The following PKD1 variants were observed in gnomAD, a reference collection of about 807,000 sequenced individuals.
The protein encoded by PKD1 is polycystin 1, transient receptor potential channel interacting, also known as polycystin-1.
Under a neutral mutation model 361.7 loss-of-function variants are expected in PKD1, and 81 were observed. That is an observed-to-expected ratio of 0.22 (90% CI 0.19 to 0.27). The LOEUF is 0.27. Ranked by LOEUF, PKD1 falls within the 10% of genes least tolerant of loss-of-function variation. The pLI, the probability that PKD1 is intolerant of heterozygous loss-of-function variation, is 1.00. For missense variants in PKD1, 6,399 were observed against 6,118.3 expected, an observed-to-expected ratio of 1.05 and a Z score of -1.53; for synonymous variants, 3,615 against 2,818.3, an observed-to-expected ratio of 1.28 and a Z score of -8.95.
chr16:2,106,986 T>C lies in PKD1; in HGVS notation c.7066-38A>G, dbSNP rs375695129. 6.4e-7 allele frequency: 1 copy of C among 1,572,638 alleles called. No individual in the cohort carries two copies. The highest frequency in any genetic ancestry group is 8.6e-7 in the Non-Finnish European group (1 of 1,160,382). ...TGGGGTTACCTCCAACACAGGTCTA[T>C]TTGGCCTGCTGGAAGGACTGGGGGA... On this transcript the variant is annotated intron_variant, in intron 16 of 45. Transcript: ENST00000262304. This position sits in a 1 kb window ranked among gnomAD's most constrained non-coding sequence, Gnocchi z 6.5.
chr16:2,124,706 C>G (rs2092771663), intron 1 of PKD1, among the ~76,000 whole-genome samples: 1 of 152,232 alleles, frequency 6.6e-6, no homozygotes, highest in African/African-American at 2.4e-5. Flanking sequence ...AAAGAAACAT[C>G]TGCACATTCC....
chr16:2,134,854 C>T (rs2092931633), intron 1 of PKD1, among the ~76,000 whole-genome samples: 1 of 150,832 alleles, frequency 6.6e-6, no homozygotes, highest in African/African-American at 2.5e-5. Flanking sequence ...CCCCCTCACC[C>T]CTGTTCTCAG....
chr16:2,129,831 G>A (rs991888436), intron 1 of PKD1, among the ~76,000 whole-genome samples: 3 of 151,742 alleles, frequency 2.0e-5, no homozygotes, highest in African/African-American at 7.3e-5. Context: ...GATTCCAGGC[G>A]TGAGTGACCC....
rs1555442497 is a variant in PKD1, at chr16:2,088,881, G to GTGCACACA, written c.*845_*846insTGTGTGCA. The GTGCACACA allele has an allele frequency of 1.2e-5, 5 of 421,378 alleles. No homozygotes were observed. The highest frequency in any genetic ancestry group is 8.0e-5 in the Admixed American group (2 of 25,012). The allele number at this position is 421,378 out of a possible 1,614,324, so 26.1% of individuals were successfully genotyped here. On this transcript the variant is annotated 3_prime_UTR_variant, in exon 46 of 46. Coordinates refer to ENST00000262304, the MANE Select transcript of PKD1 (RefSeq NM_001009944.3). ...ACAGCACACTCGCGCGTGCGCGCGC[G>GTGCACACA]CACACACACACACACACAGTCACCT...
At chr16:2,115,164 AGAG>A (rs2092609638) in intron 10 of PKD1, 1 of 768,318 alleles carries the variant, frequency 1.3e-6, no homozygotes, top group Non-Finnish European at 1.6e-6. Context: ...GGAGAGAGGA[AGAG>A]GAGGCACAGC....
chr16:2,135,068 T>A (rs2092934702), intron 1 of PKD1: 1 of 970,854 alleles, frequency 1.0e-6, no homozygotes, highest in African/African-American at 1.8e-5. Flanking sequence ...TTCTTGCACA[T>A]CCATCAAATC....
rs2092607566 is a variant in PKD1, at chr16:2,115,072, G to A, written c.2098-147C>T. On this transcript the variant is annotated intron_variant, in intron 10 of 45. Coordinates refer to ENST00000262304, the MANE Select transcript of PKD1 (RefSeq NM_001009944.3). ...CCCCACAGTGCTCGTGACAAGGACA[G>A]GCAGGACAGTTGCAGACCGGGGGAC... The A allele has an allele frequency of 7.4e-6, 11 of 1,490,468 alleles. No homozygotes were observed. The South Asian group carries it at 9.4e-5, about 13-fold the overall frequency. The allele number at this position is 1,490,468 out of a possible 1,614,324, so 92.3% of individuals were successfully genotyped here.
At position 2,104,490 on chromosome 16, in the gene PKD1, C is replaced by G; in HGVS notation, c.8161+8G>C. The G allele has an allele frequency of 6.6e-7, 1 of 1,512,420 alleles. No homozygotes were observed. The highest frequency in any genetic ancestry group is 8.9e-7 in the Non-Finnish European group (1 of 1,120,068). The allele number at this position is 1,512,420 out of a possible 1,614,324, so 93.7% of individuals were successfully genotyped here. On this transcript the variant is annotated splice_region_variant and intron_variant, in intron 22 of 45. Coordinates refer to ENST00000262304, the MANE Select transcript of PKD1 (RefSeq NM_001009944.3). Reference sequence around the variant, plus strand: ...CGGGCGGGTGGCATGGGGCACGGGCCGCGGCACCTGTGATGTTGAGGATGC... The same window carrying G: ...CGGGCGGGTGGCATGGGGCACGGGCGGCGGCACCTGTGATGTTGAGGATGC...
Position 2,116,079 on chromosome 16 carries a change from A to C in PKD1, c.1762T>G (p.Phe588Val). 1 of 1,531,938 alleles carries C rather than the reference A, an allele frequency of 6.5e-7. No individual in the cohort carries two copies. The highest frequency in any genetic ancestry group is 8.9e-7 in the Non-Finnish European group (1 of 1,127,052). 94.9% of individuals were successfully genotyped at this position (1,531,938 alleles called of 1,614,324 possible). Residue 588 changes from phenylalanine (F) to valine (V), a missense_variant, in exon 9 of 46, where the codon TTC (phenylalanine) becomes GTC (valine). Phe to Val is a conservative substitution (Grantham distance 50). Transcript: ENST00000262304. ...GTCCCAAATTCGGCCGTGGTGAGGA[A>C]GGCTTCACGGCTCAGACGCAGGCCC... ...FPGLRLSREA[F>V]LTTAEFGTQE...
At position 2,097,474 on chromosome 16, in the gene PKD1, G is replaced by A. The variant is rs377052445; in HGVS notation, c.10250C>T (p.Thr3417Met). ...SLVCWPSGEG[T>M]LSWPDLLSDP... The stretch of plus-strand genomic sequence containing the variant: ...ACTGAGCAGGTCCGGCCAACTGAGC[G>A]TTCCCTCGCCGGAGGGCCAGCACAC... Residue 3417 changes from threonine to methionine, a missense_variant, in exon 33 of 46, where the codon ACG becomes ATG. By Grantham distance (81) the Thr-to-Met change is moderately conservative. Transcript: ENST00000262304. The A allele has an allele frequency of 1.1e-4, 179 of 1,602,898 alleles. No homozygotes were observed. The highest frequency in any genetic ancestry group is 1.4e-4 in the Non-Finnish European group (167 of 1,179,868).
intron 1 of PKD1, among the ~76,000 whole-genome samples, chr16:2,131,677 G>C (rs1704192475): frequency 6.6e-6 from 1 of 151,440 alleles, no homozygotes; most frequent in African/African-American, 2.4e-5. Flanking sequence ...TTAAAAATTA[G>C]CCGGGCGTGG....
Position 2,091,052 on chromosome 16 carries a change from C to T in PKD1, c.11835G>A (p.Thr3945=), listed in dbSNP as rs1218937222. Residue 3945 remains threonine, a synonymous_variant, in exon 43 of 46, where the codon ACG becomes ACA. Transcript: ENST00000262304. Reference sequence around the variant, plus strand: ...CGAGGCGTACCAGTGCCGTGGCCGCCGTCAGCGCCACCAGCAGCCACCGCG... The same window carrying T: ...CGAGGCGTACCAGTGCCGTGGCCGCTGTCAGCGCCACCAGCAGCCACCGCG... ...AWARWLLVAL[T]AATALVRLAQ... is the part of the protein sequence containing the mutation. 3.9e-6 allele frequency: 6 copies of T among 1,523,906 alleles called. No homozygotes were observed. Among genetic ancestry groups the T allele is most frequent in the East Asian group, 2.5e-5 (1 of 40,024 alleles). The allele number at this position is 1,523,906 out of a possible 1,614,324, so 94.4% of individuals were successfully genotyped here. A position where few individuals can be genotyped will look rare whatever the true frequency, so the allele number is the denominator to read the frequency against.
rs1323024260 is a variant in PKD1, at chr16:2,104,556, C to T, written c.8103G>A (p.Glu2701=). ...TGGGCGTCACGGTGCCCGCGGTGGT[C>T]TCTGCCTGCAGGATGAGCATCATGG... The part of the protein sequence containing the change: ...LEAMMLILQA[E]TTAGTVTPTA... Residue 2701 remains glutamate, a synonymous_variant, in exon 22 of 46, where the codon GAG becomes GAA. Transcript: ENST00000262304. 6.3e-7 allele frequency: 1 copy of T among 1,597,646 alleles called. No homozygotes were observed. Among genetic ancestry groups the T allele is most frequent in the African/African-American group, 1.4e-5 (1 of 73,722 alleles).
rs573595894 is a variant in PKD1, at chr16:2,111,432, G to A, written c.3735C>T (p.Phe1245=). 1.1e-5 allele frequency: 17 copies of A among 1,611,868 alleles called. No individual in the cohort carries two copies. Among genetic ancestry groups the A allele is most frequent in the Middle Eastern group, 1.7e-4 (1 of 6,050 alleles). ...VQTGDNITWT[F]DMGDGTVLSG... is the part of the protein sequence containing the mutation. ...ACAGCACGGTGCCGTCCCCCATGTCGAAGGTCCACGTGATGTTGTCGCCCG... is the reference window on the plus strand; with the variant it reads ...ACAGCACGGTGCCGTCCCCCATGTCAAAGGTCCACGTGATGTTGTCGCCCG... The change falls in exon 15 of 46, where the codon TTC becomes TTT. Residue 1245 remains phenylalanine (F), a synonymous_variant. Coordinates refer to ENST00000262304, the MANE Select transcript of PKD1 (RefSeq NM_001009944.3).
rs1214307779 is a variant in PKD1 at position 2,088,873 on chromosome 16, GCGCGCGCGCA to G, written c.*844_*853del. ...TGGGCCATACAGCACACTCGCGCGT[GCGCGCGCGCA>G]CACACACACACACACAGTCACCTTC... On this transcript the variant is annotated 3_prime_UTR_variant, in exon 46 of 46. Transcript: ENST00000262304. 1.0e-5 allele frequency: 5 copies of G among 476,594 alleles called. No homozygotes were observed. In the African/African-American group the frequency reaches 1.2e-4, roughly 12 times the overall value. The allele number at this position is 476,594 out of a possible 1,614,324, so 29.5% of individuals were successfully genotyped here. A position where few individuals can be genotyped will look rare whatever the true frequency, so the allele number is the denominator to read the frequency against.
Position 2,135,700 on chromosome 16 carries a change from G to C in PKD1, c.-11C>G, listed in dbSNP as rs1445277117. On this transcript the variant is annotated 5_prime_UTR_variant, in exon 1 of 46. Coordinates refer to ENST00000262304, the MANE Select transcript of PKD1 (RefSeq NM_001009944.3). ...CGCGGCGGGCGGCATCGTTAGGGCAGCGCGCGCATGGCCCCGCCGTCCCCA... is the reference window on the plus strand; with the variant it reads ...CGCGGCGGGCGGCATCGTTAGGGCACCGCGCGCATGGCCCCGCCGTCCCCA... 1.5e-5 allele frequency: 13 copies of C among 885,084 alleles called. No homozygotes were observed. The highest frequency in any genetic ancestry group is 1.1e-3 in the Middle Eastern group (2 of 1,760). The allele number at this position is 885,084 out of a possible 1,614,324, so 54.8% of individuals were successfully genotyped here.
chr16:2,110,316 C>A lies in PKD1; in HGVS notation c.4851G>T (p.Val1617=). Residue 1617 remains valine (V), a synonymous_variant, in exon 15 of 46, where the codon GTG becomes GTT. Coordinates refer to ENST00000262304, the MANE Select transcript of PKD1 (RefSeq NM_001009944.3). The part of the protein sequence containing the change: ...FNIIVTAENE[V]GSAQDSIFVY... ...CGAAGATGCTGTCCTGGGCGGAGCCCACCTCGTTCTCAGCCGTGACGATGA... is the reference window on the plus strand; with the variant it reads ...CGAAGATGCTGTCCTGGGCGGAGCCAACCTCGTTCTCAGCCGTGACGATGA... 5.6e-6 allele frequency: 9 copies of A among 1,612,650 alleles called. No individual in the cohort carries two copies. The highest frequency in any genetic ancestry group is 7.6e-6 in the Non-Finnish European group (9 of 1,179,854).
Position 2,089,391 on chromosome 16 carries a change from A to G in PKD1, c.*336T>C, listed in dbSNP as rs2091341646. 9.6e-6 allele frequency: 4 copies of G among 415,024 alleles called. No homozygotes were observed. The South Asian group carries it at 1.3e-4, about 14-fold the overall frequency. 25.7% of individuals were successfully genotyped at this position (415,024 alleles called of 1,614,324 possible). Reference sequence around the variant, plus strand: ...CAGGCTAACCCTCCCTGAAGCCAGCAGCCTTAGCAGTGGGGGACATCTGCC... The same window carrying G: ...CAGGCTAACCCTCCCTGAAGCCAGCGGCCTTAGCAGTGGGGGACATCTGCC... On this transcript the variant is annotated 3_prime_UTR_variant, in exon 46 of 46. Transcript: ENST00000262304.
Position 2,135,587 on chromosome 16 carries a change from G to C in PKD1, c.103C>G (p.Pro35Ala). 2.8e-6 allele frequency: 3 copies of C among 1,052,902 alleles called. No individual in the cohort carries two copies. The highest frequency in any genetic ancestry group is 3.4e-6 in the Non-Finnish European group (3 of 875,082). The allele number at this position is 1,052,902 out of a possible 1,614,324, so 65.2% of individuals were successfully genotyped here. The change falls in exon 1 of 46, where the codon CCC (proline) becomes GCC (alanine). Residue 35 changes from proline (P) to alanine (A), a missense_variant. Physicochemically the swap from Pro to Ala is conservative, Grantham distance 27. Coordinates refer to ENST00000262304, the MANE Select transcript of PKD1 (RefSeq NM_001009944.3). ...GGCGCTGGGCCGCAGAGGCAGGGGGGCTCGCAGGGCCCGCAGCCGCGCCCG... is the reference window on the plus strand; with the variant it reads ...GGCGCTGGGCCGCAGAGGCAGGGGGCCTCGCAGGGCCCGCAGCCGCGCCCG... ...GPGRGCGPCEPPCLCGPAPGA... is the reference protein window; with the variant it reads ...GPGRGCGPCEAPCLCGPAPGA...
Sources: gnomAD v4.1 joint callset for allele counts (sites outside exome capture counted in the v4.1 genomes callset) on GRCh38, gnomAD v4.1.1 for gene constraint, Gnocchi (gnomAD v3.1) non-coding constraint, MANE v1.5 for transcripts, NCBI Gene and HGNC (gene_info 2026-07-23, HGNC 2026-07-21) for gene names.